Variants in EPHA3 observed in about 807,000 individuals in gnomAD.
The protein encoded by EPHA3 is ephrin type-A receptor 3.
A neutral mutation model predicts 107.1 loss-of-function variants in EPHA3; 42 were observed. The ratio of observed to expected loss-of-function variants is 0.39; its 90% CI spans 0.31 to 0.51. The LOEUF is 0.51. Ranked by LOEUF, EPHA3 falls within the 20% of genes least tolerant of loss-of-function variation. The probability of loss-of-function intolerance (pLI) is 0.78; values close to 1 mark genes in which losing one functional copy is unlikely to be tolerated. For synonymous variants in EPHA3, 461 were observed against 424.8 expected, an observed-to-expected ratio of 1.09 and a Z score of -1.05; for missense variants, 1,183 against 1,211.2, an observed-to-expected ratio of 0.98 and a Z score of 0.35.
chr3:89,176,121 T>G (rs1236791587), intron 2 of EPHA3, among the ~76,000 whole-genome samples: 1 of 152,184 alleles, frequency 6.6e-6, no homozygotes, highest in Non-Finnish European at 1.5e-5. Flanking sequence ...TATTCCAATT[T>G]GGAGATATTA....
chr3:89,313,126 G>A (rs892932498), intron 3 of EPHA3, among the ~76,000 whole-genome samples: 18 of 151,900 alleles, frequency 1.2e-4, no homozygotes, highest in Middle Eastern at 3.4e-3. Context: ...CCTTGAATCC[G>A]TTTTGTGCAA....
chr3:89,139,836 G>C (rs541698899), intron 2 of EPHA3, among the ~76,000 whole-genome samples: 1 of 151,834 alleles, frequency 6.6e-6, no homozygotes, highest in East Asian at 2.0e-4. Flanking sequence ...CAGTGACAAA[G>C]AAGGATTTAA....
At chr3:89,441,511 CATAA>C (rs755440107) in intron 13 of EPHA3, among the ~76,000 whole-genome samples, 15 of 152,284 alleles carry the variant, frequency 9.9e-5, no homozygotes, top group Non-Finnish European at 1.9e-4. Context: ...AACACATCTT[CATAA>C]ATAATTGTTA....
chr3:89,198,365 C>A (rs1463304717), intron 2 of EPHA3, among the ~76,000 whole-genome samples: 1 of 152,102 alleles, frequency 6.6e-6, no homozygotes, highest in Non-Finnish European at 1.5e-5. Context: ...TTATTTTTCC[C>A]ATTTTACAGA....
chr3:89,358,941 T>A lies in EPHA3; in HGVS notation c.1306+16851T>A, dbSNP rs574690159. Among the ~76,000 whole-genome samples, 29 of 151,170 alleles carry A rather than the reference T, an allele frequency of 1.9e-4. 1 individual carries two copies. Among genetic ancestry groups the A allele is most frequent in the Admixed American group, 4.6e-4 (7 of 15,114 alleles). Reference sequence around the variant, plus strand: ...CATAGAATATGTGAACTTATAACAATGGGACAAGAGCAAATGTTTAAAGTT... The same window carrying A: ...CATAGAATATGTGAACTTATAACAAAGGGACAAGAGCAAATGTTTAAAGTT... On this transcript the variant is annotated intron_variant, in intron 5 of 16. Coordinates refer to ENST00000336596, the MANE Select transcript of EPHA3 (RefSeq NM_005233.6).
intron 3 of EPHA3, among the ~76,000 whole-genome samples, chr3:89,313,401 T>C (rs1186869711): frequency 6.6e-6 from 1 of 151,958 alleles, no homozygotes; most frequent in South Asian, 2.1e-4. Context: ...CTCAATGATG[T>C]TTCGTTCTTC....
intron 2 of EPHA3, among the ~76,000 whole-genome samples, chr3:89,147,837 G>A (rs959098078): frequency 2.0e-5 from 3 of 151,880 alleles, no homozygotes; most frequent in Non-Finnish European, 4.4e-5. Context: ...ATATATTAGT[G>A]CAAAATAAAT....
At chr3:89,476,585 T>A (rs921879014) in intron 16 of EPHA3, among the ~76,000 whole-genome samples, 34 of 129,088 alleles carry the variant, frequency 2.6e-4, no homozygotes, top group African/African-American at 6.2e-4. Flanking sequence ...CTATTATTAT[T>A]TTTATTTATT....
At chr3:89,431,764 T>A (rs1709574548) in intron 13 of EPHA3, among the ~76,000 whole-genome samples, 1 of 152,170 alleles carries the variant, frequency 6.6e-6, no homozygotes, top group Non-Finnish European at 1.5e-5. Flanking sequence ...AAGTAATACC[T>A]ATTTATACTG....
intron 10 of EPHA3, among the ~76,000 whole-genome samples, chr3:89,414,532 T>C (rs942913491): frequency 6.6e-6 from 1 of 151,632 alleles, no homozygotes; most frequent in Non-Finnish European, 1.5e-5. Context: ...AAGGGTTTAG[T>C]CTGGCTGGTT....
In EPHA3 at chr3:89,450,324, A is replaced by G. The variant is rs1258333739; in HGVS notation, c.2644A>G (p.Ile882Val). 1 of 1,613,732 alleles carries G rather than the reference A, an allele frequency of 6.2e-7. No homozygotes were observed. Among genetic ancestry groups the G allele is most frequent in the African/African-American group, 1.3e-5 (1 of 74,928 alleles). ...EQIVSILDKL[I>V]RNPGSLKIIT... ...GATTGTTAGTATTCTGGACAAGCTT[A>G]TCCGGAATCCCGGCAGCCTGAAGAT... The change falls in exon 15 of 17, where the codon ATC (isoleucine) becomes GTC (valine). Residue 882 changes from isoleucine (I) to valine (V), a missense_variant. Physicochemically the swap from Ile to Val is conservative, Grantham distance 29 (BLOSUM62 3). Coordinates refer to ENST00000336596, the MANE Select transcript of EPHA3 (RefSeq NM_005233.6).
In EPHA3 at chr3:89,433,190, C is replaced by A. The variant is rs1291636943; in HGVS notation, c.2346+1831C>A. Among the ~76,000 whole-genome samples the A allele has an allele frequency of 3.3e-5, 5 of 152,086 alleles. No homozygotes were observed. In the East Asian group the frequency reaches 9.7e-4, roughly 29 times the overall value. Reference sequence around the variant, plus strand: ...TGCTGTAGTTTGTTATCAATTTTCTCTCCTAATGGCAGTATCTTTCTCCAT... The same window carrying A: ...TGCTGTAGTTTGTTATCAATTTTCTATCCTAATGGCAGTATCTTTCTCCAT... On this transcript the variant is annotated intron_variant, in intron 13 of 16. Transcript: ENST00000336596.
chr3:89,113,485 C>CAAAAAAAAAAA (rs753848304), intron 1 of EPHA3, among the ~76,000 whole-genome samples: 614 of 31,096 alleles, frequency 0.02, 194 homozygotes, highest in Middle Eastern at 0.067. Context: ...TTCCTTTGTA[C>CAAAAAAAAAAA]AAAAAAAAAA....
At chr3:89,237,464 G>A (rs1221834271) in intron 3 of EPHA3, among the ~76,000 whole-genome samples, 1 of 152,314 alleles carries the variant, frequency 6.6e-6, no homozygotes, top group East Asian at 1.9e-4. Flanking sequence ...TGTGAATTTA[G>A]TTTCAATAGA....
At chr3:89,226,603 A>G (rs537900711) in intron 3 of EPHA3, among the ~76,000 whole-genome samples, 1 of 152,238 alleles carries the variant, frequency 6.6e-6, no homozygotes, top group African/African-American at 2.4e-5. Context: ...TAGAACTTCA[A>G]CTGATCCATG....
intron 3 of EPHA3, among the ~76,000 whole-genome samples, chr3:89,276,255 A>G (rs1340820960): frequency 2.0e-5 from 3 of 152,104 alleles, no homozygotes; most frequent in African/African-American, 7.2e-5. Flanking sequence ...GGAAGTATGA[A>G]AAGGCTCATA....
At chr3:89,418,338 C>A (rs1180353870) in intron 10 of EPHA3, among the ~76,000 whole-genome samples, 1 of 151,334 alleles carries the variant, frequency 6.6e-6, no homozygotes, top group African/African-American at 2.4e-5. Flanking sequence ...ATCATCATGG[C>A]AGCATGGGTA....
chr3:89,399,047 T>C (rs1361354049), intron 6 of EPHA3, among the ~76,000 whole-genome samples: 3 of 151,892 alleles, frequency 2.0e-5, no homozygotes, highest in African/African-American at 4.8e-5. Flanking sequence ...GGAAAATCGT[T>C]TGAACCCAGG....
chr3:89,219,165 C>G (rs2107201073), intron 3 of EPHA3, among the ~76,000 whole-genome samples: 1 of 151,640 alleles, frequency 6.6e-6, no homozygotes, highest in Middle Eastern at 3.4e-3. Flanking sequence ...TTCACAACAA[C>G]ATTTTTTTTT....
Sources: gnomAD v4.1 joint callset for allele counts (sites outside exome capture counted in the v4.1 genomes callset) on GRCh38, gnomAD v4.1.1 for gene constraint, MANE v1.5 for transcripts, NCBI Gene and HGNC (gene_info 2026-07-23, HGNC 2026-07-21) for gene names.